Variants in CMSS1 observed in about 807,000 individuals in gnomAD.
CMSS1 encodes cms1 ribosomal small subunit homolog, also known as protein CMSS1.
In CMSS1, 33 loss-of-function variants were observed where a neutral mutation model predicts 43.5. The observed-to-expected ratio is 0.76, with a 90% CI of 0.57 to 1.01. The LOEUF is 1.01. Ranked by LOEUF, CMSS1 falls within the 50% of genes least tolerant of loss-of-function variation. The probability of loss-of-function intolerance (pLI) is 0.00; values close to 1 mark genes in which losing one functional copy is unlikely to be tolerated. For synonymous variants in CMSS1, 115 were observed against 117.2 expected, an observed-to-expected ratio of 0.98 and a Z score of 0.12; for missense variants, 313 against 326.4, an observed-to-expected ratio of 0.96 and a Z score of 0.32.
intron 1 of CMSS1, among the ~76,000 whole-genome samples, chr3:100,134,268 T>C (rs1415128135): frequency 2.0e-5 from 3 of 152,280 alleles, no homozygotes; most frequent in African/African-American, 7.2e-5. Context: ...CCAGGGTATA[T>C]AGCATTCTTA....
chr3:100,048,913 A>C (rs890748584), intron 1 of CMSS1, among the ~76,000 whole-genome samples: 1 of 152,260 alleles, frequency 6.6e-6, no homozygotes, highest in Non-Finnish European at 1.5e-5. Flanking sequence ...GGACTTGGAC[A>C]GTTATGGAAA....
intron 1 of CMSS1, among the ~76,000 whole-genome samples, chr3:100,139,613 G>GTATATA (rs71132513): frequency 2.4e-5 from 2 of 83,624 alleles, no homozygotes; most frequent in East Asian, 3.1e-4. Flanking sequence ...ATGTGTGTGT[G>GTATATA]TATATATATA....
chr3:100,102,629 C>T (rs2066329288), intron 1 of CMSS1, among the ~76,000 whole-genome samples: 1 of 152,162 alleles, frequency 6.6e-6, no homozygotes, highest in African/African-American at 2.4e-5. Context: ...AAGGCAAGGA[C>T]AATGCCAAGC....
At chr3:100,092,544 G>A (rs1206224332) in intron 1 of CMSS1, among the ~76,000 whole-genome samples, 1 of 151,242 alleles carries the variant, frequency 6.6e-6, no homozygotes, top group African/African-American at 2.4e-5. Context: ...CCTTGCATGT[G>A]TATATCTTGT....
chr3:99,906,780 T>A (rs1706631602), intron 1 of CMSS1, among the ~76,000 whole-genome samples: 1 of 152,180 alleles, frequency 6.6e-6, no homozygotes, highest in Non-Finnish European at 1.5e-5. Context: ...GATTGGATCA[T>A]TGAACTATAA....
intron 1 of CMSS1, among the ~76,000 whole-genome samples, chr3:99,882,524 A>G (rs1278958465): frequency 2.6e-5 from 4 of 152,234 alleles, no homozygotes; most frequent in Admixed American, 2.0e-4. Context: ...TCATAAAATC[A>G]TATTTTAGGG....
intron 4 of CMSS1, among the ~76,000 whole-genome samples, chr3:100,163,799 C>T (rs2067045179): frequency 6.6e-6 from 1 of 152,064 alleles, no homozygotes; most frequent in South Asian, 2.1e-4. Context: ...AAAATCAAAC[C>T]ATAAAAGTTT....
At chr3:100,014,030 T>G (rs113684293) in intron 1 of CMSS1, among the ~76,000 whole-genome samples, 1 of 152,006 alleles carries the variant, frequency 6.6e-6, no homozygotes, top group Non-Finnish European at 1.5e-5. Context: ...CTGCTATGAA[T>G]TTGATTTTTT....
chr3:99,926,678 G>A (rs1707302602), intron 1 of CMSS1, among the ~76,000 whole-genome samples: 1 of 152,126 alleles, frequency 6.6e-6, no homozygotes, highest in Non-Finnish European at 1.5e-5. Flanking sequence ...ACTAAAAGAG[G>A]CTTTTCTAAA....
At chr3:99,820,751 T>C (rs1211607477) in intron 1 of CMSS1, among the ~76,000 whole-genome samples, 1 of 152,246 alleles carries the variant, frequency 6.6e-6, no homozygotes, top group African/African-American at 2.4e-5. Context: ...CCTGGCTGCC[T>C]TCTTGAAGTC....
intron 1 of CMSS1, among the ~76,000 whole-genome samples, chr3:99,935,685 G>A (rs1233114998): frequency 6.6e-6 from 1 of 152,154 alleles, no homozygotes; most frequent in Non-Finnish European, 1.5e-5. Flanking sequence ...TTGAAGTCCC[G>A]GGATTTCCCG....
At chr3:100,099,058 C>T (rs528756814) in intron 1 of CMSS1, among the ~76,000 whole-genome samples, 1 of 152,178 alleles carries the variant, frequency 6.6e-6, no homozygotes, top group African/African-American at 2.4e-5. Flanking sequence ...TTTCAAATTT[C>T]TACCAATGAT....
chr3:99,964,058 A>G (rs1708572521), intron 1 of CMSS1, among the ~76,000 whole-genome samples: 1 of 152,104 alleles, frequency 6.6e-6, no homozygotes, highest in Non-Finnish European at 1.5e-5. Flanking sequence ...ATATTTGAAC[A>G]TAATAATTGT....
intron 1 of CMSS1, among the ~76,000 whole-genome samples, chr3:99,925,242 T>A (rs1256584115): frequency 2.0e-5 from 3 of 152,226 alleles, no homozygotes; most frequent in Non-Finnish European, 1.5e-5. Context: ...TGGTGTATAG[T>A]GTGAATGTCA....
chr3:99,883,149 T>C (rs532437875), intron 1 of CMSS1, among the ~76,000 whole-genome samples: 5 of 152,214 alleles, frequency 3.3e-5, no homozygotes, highest in Non-Finnish European at 1.5e-5. Context: ...AACTTCAGTG[T>C]TTTATCTAAG....
intron 1 of CMSS1, among the ~76,000 whole-genome samples, chr3:100,122,209 G>T (rs2066627635): frequency 1.3e-5 from 2 of 152,184 alleles, no homozygotes; most frequent in Non-Finnish European, 2.9e-5. Context: ...CTGTGTACAA[G>T]TACCCAGAAC....
chr3:100,017,899 G>T (rs1710391791), intron 1 of CMSS1, among the ~76,000 whole-genome samples: 1 of 152,152 alleles, frequency 6.6e-6, no homozygotes, highest in Admixed American at 6.5e-5. Context: ...AGTTTTCCTG[G>T]ATCTGTAGCT....
At chr3:100,047,878 G>A (rs931316224) in intron 1 of CMSS1, among the ~76,000 whole-genome samples, 5 of 152,074 alleles carry the variant, frequency 3.3e-5, no homozygotes, top group East Asian at 1.9e-4. Flanking sequence ...CAGGGTGGGC[G>A]AAAAATGATA....
At chr3:99,994,241 G>T (rs1329982076) in intron 1 of CMSS1, among the ~76,000 whole-genome samples, 4 of 152,138 alleles carry the variant, frequency 2.6e-5, no homozygotes, top group African/African-American at 9.7e-5. Context: ...AGAAAACAAA[G>T]ATTACTAGAC....
Sources: gnomAD v4.1 joint callset for allele counts (sites outside exome capture counted in the v4.1 genomes callset) on GRCh38, gnomAD v4.1.1 for gene constraint, MANE v1.5 for transcripts, NCBI Gene and HGNC (gene_info 2026-07-23, HGNC 2026-07-21) for gene names.